Variants in JDP2 observed in about 807,000 individuals in gnomAD.
The protein encoded by JDP2 is Jun dimerization protein 2.
In JDP2, 9 loss-of-function variants were observed where a neutral mutation model predicts 17.1. The ratio of observed to expected loss-of-function variants is 0.53; its 90% CI spans 0.32 to 0.92. The LOEUF is 0.92. JDP2 is among the 40% of genes least tolerant of loss of function. The pLI, the probability that JDP2 is intolerant of heterozygous loss-of-function variation, is 0.04. For missense variants in JDP2, 179 were observed against 220.0 expected (o/e 0.81, Z 1.18); for synonymous variants, 107 against 95.6 (o/e 1.12, Z -0.69).
At chr14:75,435,575 C>A (rs1017720441) in intron 1 of JDP2, among the ~76,000 whole-genome samples, 2 of 152,182 alleles carry the variant, frequency 1.3e-5, no homozygotes, top group Non-Finnish European at 2.9e-5. Context: ...GGTCTAGAAC[C>A]CTGGGACCAG....
chr14:75,445,332 A>G, intron 2 of JDP2: 1 of 985,514 alleles, frequency 1.0e-6, no homozygotes, highest in Non-Finnish European at 1.2e-6. Context: ...CCACCCTTCC[A>G]GGTTGTGTAC....
intron 2 of JDP2, among the ~76,000 whole-genome samples, chr14:75,446,472 A>G (rs1020943208): frequency 6.6e-6 from 1 of 152,264 alleles, no homozygotes; most frequent in Non-Finnish European, 1.5e-5. Flanking sequence ...TTATTTAGCC[A>G]TAAAAAGGAA....
In JDP2 at chr14:75,446,744, G is replaced by T. The variant is rs188738629; in HGVS notation, c.201+8623G>T. ...GTGTTCTAAAATTGTAGTGATAGTT[G>T]CACAACTCTGGATATAATACAAGTT... On this transcript the variant is annotated intron_variant, in intron 2 of 3. Transcript: ENST00000651602. 2.0e-5 allele frequency among the ~76,000 whole-genome samples: 3 copies of T among 152,276 alleles called. No homozygotes were observed. The East Asian group carries it at 5.8e-4, about 29-fold the overall frequency.
At chr14:75,431,354 G>C (rs551817045) in intron 1 of JDP2, among the ~76,000 whole-genome samples, 1 of 152,348 alleles carries the variant, frequency 6.6e-6, no homozygotes, top group Admixed American at 6.5e-5. Context: ...GTTGGTTCCA[G>C]GTTCTTCTAT....
intron 3 of JDP2, among the ~76,000 whole-genome samples, chr14:75,464,283 A>G (rs1886472151): frequency 6.6e-6 from 1 of 152,240 alleles, no homozygotes; most frequent in African/African-American, 2.4e-5. Flanking sequence ...TTAATTGTTA[A>G]TAAATAGTAA....
At chr14:75,463,209 C>G (rs1378451998) in intron 3 of JDP2, among the ~76,000 whole-genome samples, 2 of 152,264 alleles carry the variant, frequency 1.3e-5, no homozygotes, top group Non-Finnish European at 2.9e-5. Flanking sequence ...TCCAGGAACA[C>G]TAGCTGAGCA....
chr14:75,433,126 C>T (rs549620061), intron 1 of JDP2, among the ~76,000 whole-genome samples: 4 of 117,796 alleles, frequency 3.4e-5, no homozygotes, highest in Admixed American at 1.2e-4. Flanking sequence ...ACCCGGGAGG[C>T]GGAGGTTGCG....
chr14:75,439,750 G>C (rs1885248739), intron 2 of JDP2, among the ~76,000 whole-genome samples: 2 of 152,236 alleles, frequency 1.3e-5, no homozygotes, highest in Admixed American at 1.3e-4. Context: ...CTTATATAGT[G>C]TTCTGTCTTC....
intron 2 of JDP2, among the ~76,000 whole-genome samples, chr14:75,460,346 G>A (rs745795357): frequency 6.6e-6 from 1 of 152,220 alleles, no homozygotes; most frequent in Non-Finnish European, 1.5e-5. Context: ...GCCAGATGAG[G>A]AGGCTGGGGA....
At position 75,428,909 on chromosome 14, in the gene JDP2, T is replaced by C. The variant is rs1230651414; in HGVS notation, c.-24+657T>C. The stretch of plus-strand genomic sequence containing the variant: ...GGCTCTCCTGTCTCCCACGCCAGGT[T>C]ATATAAGGAGGCAAGCAGGCTCCTG... On this transcript the variant is annotated intron_variant, in intron 1 of 3. Coordinates refer to ENST00000651602, the MANE Select transcript of JDP2 (RefSeq NM_001135048.2). The surrounding 1 kb of genome is among the most constrained non-coding windows in gnomAD (Gnocchi z 5.6). 6.6e-6 allele frequency among the ~76,000 whole-genome samples: 1 copy of C among 151,956 alleles called. No homozygotes were observed. Among genetic ancestry groups the C allele is most frequent in the Non-Finnish European group, 1.5e-5 (1 of 67,980 alleles).
chr14:75,450,249 C>T (rs1325432235), intron 2 of JDP2, among the ~76,000 whole-genome samples: 1 of 152,174 alleles, frequency 6.6e-6, no homozygotes, highest in East Asian at 1.9e-4. Context: ...TCCCCTGCCT[C>T]TTCCCAGAAA....
rs1248936649 is a variant in JDP2, at chr14:75,428,465, G to T, written c.-24+213G>T. 1 of 152,062 alleles carries T rather than the reference G, an allele frequency of 6.6e-6. No homozygotes were observed. Among genetic ancestry groups the T allele is most frequent in the African/African-American group, 2.4e-5 (1 of 41,426 alleles). 9.4% of individuals were successfully genotyped at this position (152,062 alleles called of 1,614,324 possible). On this transcript the variant is annotated intron_variant, in intron 1 of 3. Transcript: ENST00000651602. This position sits in a 1 kb window ranked among gnomAD's most constrained non-coding sequence, Gnocchi z 5.6. ...CCCGCGAGGCGCCCGGCAGCCTGAG[G>T]CTTCCTTTTGGTTCCCGCCCCGGGA...
At chr14:75,463,060 G>A (rs565704820) in intron 3 of JDP2, among the ~76,000 whole-genome samples, 1 of 152,288 alleles carries the variant, frequency 6.6e-6, no homozygotes, top group East Asian at 1.9e-4. Context: ...GACTAGAGAA[G>A]CTTCACGTGA....
rs370601645 is a variant in JDP2 at position 75,455,098 on chromosome 14, A to T, written c.202-6328A>T. Among the ~76,000 whole-genome samples, 106 of 152,300 alleles carry T rather than the reference A, an allele frequency of 7.0e-4. 3 individuals are homozygous for T. The South Asian group carries it at 0.021, about 30-fold the overall frequency. On this transcript the variant is annotated intron_variant, in intron 2 of 3. Coordinates refer to ENST00000651602, the MANE Select transcript of JDP2 (RefSeq NM_001135048.2). ...GACAACCTGCTAAATGGACTGTGTG[A>T]GTCCTTAATCGGCTCCAGGGCAAAC... is the stretch of plus-strand genomic sequence containing the variant.
chr14:75,461,563 A>G (rs1886350019), intron 3 of JDP2, 33 bp downstream of exon 3: 8 of 1,510,368 alleles, frequency 5.3e-6, no homozygotes, highest in South Asian at 2.4e-5. Context: ...GAGGCCTGCC[A>G]TTCCTTGGAG....
In JDP2 at chr14:75,430,157, T is replaced by C. The variant is rs115285501; in HGVS notation, c.-24+1905T>C. On this transcript the variant is annotated intron_variant, in intron 1 of 3. Transcript: ENST00000651602. This position sits in a 1 kb window ranked among gnomAD's most constrained non-coding sequence, Gnocchi z 4.5. ...TACCTGTTTGTAGGATGTGTGGGCA[T>C]TTTTTTCCAACCTGCAGAATCCCTG... 4.3e-3 allele frequency among the ~76,000 whole-genome samples: 657 copies of C among 152,290 alleles called. 8 individuals are homozygous for C. Among genetic ancestry groups the C allele is most frequent in the African/African-American group, 0.015 (625 of 41,554 alleles).
At chr14:75,467,614 CAG>C (rs929752038) in intron 3 of JDP2, among the ~76,000 whole-genome samples, 2 of 152,114 alleles carry the variant, frequency 1.3e-5, no homozygotes, top group African/African-American at 4.8e-5. Flanking sequence ...CCGTGATGGT[CAG>C]AGGGTTTGTG....
At position 75,469,157 on chromosome 14, in the gene JDP2, C is replaced by T; in HGVS notation, c.307-133C>T. ...AGTCAGTTAGCCAGGGGCTCAGTAG[C>T]AGGGTCTGTGCTTCTTCCTGCAGAA... On this transcript the variant is annotated intron_variant, in intron 3 of 3. Coordinates refer to ENST00000651602, the MANE Select transcript of JDP2 (RefSeq NM_001135048.2). The T allele has an allele frequency of 6.7e-6, 5 of 749,594 alleles. No individual in the cohort carries two copies. The South Asian group carries it at 7.6e-5, about 11-fold the overall frequency. The allele number at this position is 749,594 out of a possible 1,614,324, so 46.4% of individuals were successfully genotyped here. A position where few individuals can be genotyped will look rare whatever the true frequency, so the allele number is the denominator to read the frequency against.
At chr14:75,453,528 G>A (rs1885964745) in intron 2 of JDP2, among the ~76,000 whole-genome samples, 1 of 152,258 alleles carries the variant, frequency 6.6e-6, no homozygotes, top group African/African-American at 2.4e-5. Flanking sequence ...CGCCTTGCCT[G>A]CGAAGGAAGG....
Sources: gnomAD v4.1 joint callset for allele counts (sites outside exome capture counted in the v4.1 genomes callset) on GRCh38, gnomAD v4.1.1 for gene constraint, Gnocchi (gnomAD v3.1) non-coding constraint, MANE v1.5 for transcripts, NCBI Gene and HGNC (gene_info 2026-07-23, HGNC 2026-07-21) for gene names.